The following SYNE1 variants were observed in gnomAD, a reference collection of about 807,000 sequenced individuals.
SYNE1 encodes the protein nesprin-1.
In SYNE1, 616 loss-of-function variants were observed where a neutral mutation model predicts 1,111.0. The observed-to-expected ratio is 0.55, with a 90% confidence interval of 0.52 to 0.59. SYNE1 has a LOEUF of 0.59. SYNE1 is among the 20% of genes least tolerant of loss of function. The pLI is 0.00. For missense variants in SYNE1, 10,006 were observed against 10,417.0 expected (o/e 0.96, Z 1.72); for synonymous variants, 3,855 against 3,825.8 (o/e 1.01, Z -0.28).
At chr6:152,465,895 A>G (rs1195791327) in intron 17 of SYNE1, 87 bp downstream of exon 17, 1 of 993,316 alleles carries the variant, frequency 1.0e-6, no homozygotes, top group Non-Finnish European at 1.6e-6. Flanking sequence ...TTCCACGGAC[A>G]GAAAGAATGA....
intron 6 of SYNE1, among the ~76,000 whole-genome samples, chr6:152,513,498 T>C (rs1272118098): frequency 6.6e-6 from 1 of 152,128 alleles, no homozygotes; most frequent in African/African-American, 2.4e-5. Context: ...CACACCCGGC[T>C]AATTTTTGCA....
intron 101 of SYNE1, among the ~76,000 whole-genome samples, chr6:152,261,283 C>T (rs2091953836): frequency 6.6e-6 from 1 of 152,196 alleles, no homozygotes; most frequent in Non-Finnish European, 1.5e-5. Context: ...TCCTCTGGGC[C>T]ACAGCTGTGG....
chr6:152,427,116 G>A (rs1296039241), intron 38 of SYNE1, among the ~76,000 whole-genome samples: 1 of 152,044 alleles, frequency 6.6e-6, no homozygotes, highest in Non-Finnish European at 1.5e-5. Flanking sequence ...TATACTCAAC[G>A]ATTTTCTTTC....
At chr6:152,484,667 T>C (rs1157907258) in intron 13 of SYNE1, among the ~76,000 whole-genome samples, 168 bp downstream of exon 13, 2 of 152,238 alleles carry the variant, frequency 1.3e-5, no homozygotes, top group Non-Finnish European at 2.9e-5. Flanking sequence ...TCCATTAACT[T>C]ACAGGAAAAC....
rs1464089457 is a variant in SYNE1 at position 152,404,300 on chromosome 6, G to A, written c.6738C>T (p.Asn2246=). 4 of 1,611,388 alleles carry A rather than the reference G, an allele frequency of 2.5e-6. No individual in the cohort carries two copies. The African/African-American group carries it at 4.0e-5, about 16-fold the overall frequency. Residue 2246 remains asparagine, a synonymous_variant, in exon 46 of 146, where the codon AAC becomes AAT. Coordinates refer to ENST00000367255, the MANE Select transcript of SYNE1 (RefSeq NM_182961.4). ...GCAGTTCTTCCAATCTCAATGCTTT[G>A]TTTTTAACTTCAGACTGCCAAAAGG... ...LLKEFESEVK[N]KALRLEELHS...
chr6:152,245,340 A>G (rs896694661), intron 105 of SYNE1, among the ~76,000 whole-genome samples: 6 of 152,324 alleles, frequency 3.9e-5, no homozygotes, highest in African/African-American at 1.4e-4. Context: ...AATGCAACTC[A>G]TCCCCATTAG....
chr6:152,371,135 A>T (rs773237832), intron 59 of SYNE1, among the ~76,000 whole-genome samples: 12 of 152,078 alleles, frequency 7.9e-5, no homozygotes, highest in Non-Finnish European at 1.6e-4. Flanking sequence ...CTAGAGCCTC[A>T]TGGGGCCACT....
intron 39 of SYNE1, among the ~76,000 whole-genome samples, chr6:152,424,373 G>A (rs1297812940): frequency 6.6e-6 from 1 of 152,108 alleles, no homozygotes; most frequent in Non-Finnish European, 1.5e-5. Context: ...CACTTTAAAA[G>A]TCCCTTACTT....
At chr6:152,122,901 G>GT (rs1361642477) in intron 145 of SYNE1, among the ~76,000 whole-genome samples, 1 of 152,280 alleles carries the variant, frequency 6.6e-6, no homozygotes, top group Admixed American at 6.5e-5. Flanking sequence ...TCAACTAAAC[G>GT]TAAGTAATTA....
At position 152,425,530 on chromosome 6, in the gene SYNE1, A is replaced by T; in HGVS notation, c.5118T>A (p.Val1706=). Residue 1706 remains valine, a synonymous_variant, in exon 39 of 146, where the codon GTT becomes GTA. Transcript: ENST00000367255. The part of the protein sequence containing the change: ...LQLIQALQNE[V]VSQASFYSKL... ...TGCTATAGAATGAGGCCTGGGATAC[A>T]ACTTCATTTTGCAGTGCCTGAAAAA... 1 of 1,614,178 alleles carries T rather than the reference A, an allele frequency of 6.2e-7. No individual in the cohort carries two copies. The highest frequency in any genetic ancestry group is 8.5e-7 in the Non-Finnish European group (1 of 1,180,020).
intron 3 of SYNE1, among the ~76,000 whole-genome samples, chr6:152,591,813 A>T (rs912142402): frequency 5.3e-5 from 8 of 151,968 alleles, no homozygotes; most frequent in African/African-American, 1.9e-4. Context: ...TCAACAGCAA[A>T]AAAATAAAAT....
At chr6:152,479,375 G>A (rs991798749) in intron 14 of SYNE1, among the ~76,000 whole-genome samples, 3 of 152,196 alleles carry the variant, frequency 2.0e-5, no homozygotes, top group African/African-American at 7.2e-5. Flanking sequence ...AGAGCCTAAT[G>A]GCTACTTTCA....
At chr6:152,211,708 C>T in intron 123 of SYNE1, 120 bp from the exon 124 acceptor site, 1 of 774,620 alleles carries the variant, frequency 1.3e-6, no homozygotes, top group South Asian at 1.6e-5. Flanking sequence ...CCAGCTGAAC[C>T]AGAAAATGTG....
intron 40 of SYNE1, among the ~76,000 whole-genome samples, chr6:152,417,487 A>G (rs62426960): frequency 0.22 from 33,353 of 151,790 alleles, 3,932 homozygotes; most frequent in East Asian, 0.36. Context: ...AACAGTGTAA[A>G]ACTCCGTCTC....
At chr6:152,401,028 G>T (rs1319493094) in intron 47 of SYNE1, 110 bp downstream of exon 47, 2 of 1,071,910 alleles carry the variant, frequency 1.9e-6, no homozygotes, top group African/African-American at 1.6e-5. Flanking sequence ...TTGGTCTGGT[G>T]TTCATATGGG....
Position 152,327,486 on chromosome 6 carries a change from AG to A in SYNE1, c.14956-854del, listed in dbSNP as rs2096107029. 3.3e-5 allele frequency among the ~76,000 whole-genome samples: 5 copies of A among 152,324 alleles called. No homozygotes were observed. The South Asian group carries it at 1.0e-3, about 32-fold the overall frequency. Reference sequence around the variant, plus strand: ...GATGGCTGGTCCATTCAATTCCAGAAGGAAAAGAAACACTCTAACCAGCCAT... The same window carrying A: ...GATGGCTGGTCCATTCAATTCCAGAAGAAAAGAAACACTCTAACCAGCCAT... On this transcript the variant is annotated intron_variant, in intron 78 of 145. Coordinates refer to ENST00000367255, the MANE Select transcript of SYNE1 (RefSeq NM_182961.4).
At chr6:152,421,264 G>A (rs2098254929) in intron 39 of SYNE1, among the ~76,000 whole-genome samples, 1 of 152,148 alleles carries the variant, frequency 6.6e-6, no homozygotes, top group South Asian at 2.1e-4. Flanking sequence ...ATTATCTGCA[G>A]GCACAGATAA....
chr6:152,568,225 G>A lies in SYNE1; in HGVS notation c.68-28204C>T, dbSNP rs181179878. ...ATATCCAACATATTATAAACATAAA[G>A]GCAAAGAGTATAGTGGGAAAATATG... On this transcript the variant is annotated intron_variant, in intron 3 of 145. Coordinates refer to ENST00000367255, the MANE Select transcript of SYNE1 (RefSeq NM_182961.4). Among the ~76,000 whole-genome samples the A allele has an allele frequency of 3.0e-4, 45 of 149,890 alleles. No homozygotes were observed. The East Asian group carries it at 7.2e-3, about 24-fold the overall frequency.
chr6:152,206,006 G>C (rs2076434352), intron 126 of SYNE1, among the ~76,000 whole-genome samples, 162 bp downstream of exon 126: 1 of 152,214 alleles, frequency 6.6e-6, no homozygotes, highest in Non-Finnish European at 1.5e-5. Context: ...TTTCCAGTTT[G>C]TGCAAGATAA....
Sources: allele counts gnomAD v4.1 joint callset (sites outside exome capture counted in the v4.1 genomes callset), GRCh38; gene constraint gnomAD v4.1.1; transcripts MANE v1.5; gene names NCBI Gene and HGNC (gene_info 2026-07-23, HGNC 2026-07-21).